The following CMPK2 variants were observed in gnomAD, a reference collection of about 807,000 sequenced individuals.
The protein encoded by CMPK2 is UMP-CMP kinase 2, mitochondrial.
In CMPK2, 32 loss-of-function variants were observed where a neutral mutation model predicts 33.4. The observed-to-expected ratio is 0.96, with a 90% CI of 0.72 to 1.29. The LOEUF (loss-of-function observed/expected upper bound fraction) is 1.29. Ranked by LOEUF, CMPK2 falls within the 50% of genes most tolerant of loss-of-function variation. The pLI, the probability that CMPK2 is intolerant of heterozygous loss-of-function variation, is 0.00. For missense variants in CMPK2, 672 were observed against 616.0 expected, an observed-to-expected ratio of 1.09 and a Z score of -0.96; for synonymous variants, 299 against 275.3, an observed-to-expected ratio of 1.09 and a Z score of -0.85.
chr2:6,856,751 T>C (rs1662715056), intron 3 of CMPK2, among the ~76,000 whole-genome samples: 1 of 152,228 alleles, frequency 6.6e-6, no homozygotes, highest in South Asian at 2.1e-4. Context: ...TAACTGCATG[T>C]ATTCTACTGA....
intron 3 of CMPK2, among the ~76,000 whole-genome samples, chr2:6,855,326 C>T (rs561233166): frequency 3.7e-5 from 5 of 135,358 alleles, no homozygotes; most frequent in Admixed American, 1.8e-4. Flanking sequence ...TGCCTCTGCC[C>T]CTGCCCCTGC....
rs1003164025 is a variant in CMPK2 at position 6,849,683 on chromosome 2, A to T, written c.*167T>A. 2.7e-6 allele frequency: 4 copies of T among 1,472,496 alleles called. No homozygotes were observed. In the East Asian group the frequency reaches 7.4e-5, roughly 27 times the overall value. The allele number at this position is 1,472,496 out of a possible 1,614,324, so 91.2% of individuals were successfully genotyped here. On this transcript the variant is annotated 3_prime_UTR_variant, in exon 5 of 5. Coordinates refer to ENST00000256722, the MANE Select transcript of CMPK2 (RefSeq NM_207315.4). ...CTTTGTGATGACGGGTCCATCAGTCAGAAGAGGGTACGATGGCTGAAGTAA... is the reference window on the plus strand; with the variant it reads ...CTTTGTGATGACGGGTCCATCAGTCTGAAGAGGGTACGATGGCTGAAGTAA...
At chr2:6,847,089 A>G (rs1316161940), downstream of CMPK2, among the ~76,000 whole-genome samples, 4 of 152,136 alleles carry the variant, frequency 2.6e-5, no homozygotes, top group African/African-American at 9.7e-5. Flanking sequence ...CTATGAGGCC[A>G]GTTGTGGGGG....
chr2:6,863,083 C>A (rs1279045204), intron 2 of CMPK2, among the ~76,000 whole-genome samples: 1 of 152,212 alleles, frequency 6.6e-6, no homozygotes, highest in Admixed American at 6.5e-5. Flanking sequence ...CAAGCCCCTG[C>A]ACCTTTGCCC....
rs1662458180 is a variant in CMPK2 at position 6,849,768 on chromosome 2, G to T, written c.*82C>A. The T allele has an allele frequency of 3.2e-6, 5 of 1,578,252 alleles. No individual in the cohort carries two copies. The East Asian group carries it at 1.1e-4, about 36-fold the overall frequency. Reference sequence around the variant, plus strand: ...CAACATGCTTGTAGAACAGAAATTTGGGAACACTGCATAACAAATGGTGGA... The same window carrying T: ...CAACATGCTTGTAGAACAGAAATTTTGGAACACTGCATAACAAATGGTGGA... On this transcript the variant is annotated 3_prime_UTR_variant, in exon 5 of 5. Coordinates refer to ENST00000256722, the MANE Select transcript of CMPK2 (RefSeq NM_207315.4).
chr2:6,845,220 GT>G (rs1662329234), downstream of CMPK2, among the ~76,000 whole-genome samples: 1 of 152,140 alleles, frequency 6.6e-6, no homozygotes, highest in African/African-American at 2.4e-5. Flanking sequence ...AGAAAGCCAG[GT>G]TTTTTCATCT....
intron 3 of CMPK2, among the ~76,000 whole-genome samples, chr2:6,856,143 C>T (rs1382498867): frequency 2.0e-5 from 3 of 152,192 alleles, no homozygotes; most frequent in Non-Finnish European, 4.4e-5. Context: ...AAACCCCATG[C>T]CCCTGCAGTT....
Position 6,865,017 on chromosome 2 carries a change from C to CTT in CMPK2, c.675+3_675+4dup. ...CTGGGAGCTGGAAGCGGACAGAACT[C>CTT]TTACCTCCTCCAAAACGGCCCGGGC... On this transcript the variant is annotated splice_donor_region_variant and intron_variant, in intron 1 of 4. Coordinates refer to ENST00000256722, the MANE Select transcript of CMPK2 (RefSeq NM_207315.4). The CTT allele has an allele frequency of 7.0e-7, 1 of 1,420,126 alleles. No individual in the cohort carries two copies. Among genetic ancestry groups the CTT allele is most frequent in the Non-Finnish European group, 9.2e-7 (1 of 1,084,704 alleles). 88.0% of individuals were successfully genotyped at this position (1,420,126 alleles called of 1,614,324 possible). A position where few individuals can be genotyped will look rare whatever the true frequency, so the allele number is the denominator to read the frequency against.
chr2:6,844,269 C>A (rs947824700), downstream of CMPK2, among the ~76,000 whole-genome samples: 26 of 152,284 alleles, frequency 1.7e-4, no homozygotes, highest in African/African-American at 6.3e-4. Context: ...TTGTAAAAGA[C>A]CAAAGTAGCC....
chr2:6,848,443 G>A lies in CMPK2; in HGVS notation c.*1407C>T. On this transcript the variant is annotated 3_prime_UTR_variant, in exon 5 of 5. Transcript: ENST00000256722. ...TAAAGTAAATAAAACCAATAATACA[G>A]CTAGATACCACATTGCAAAGAACCC... 1.0e-6 allele frequency: 1 copy of A among 981,368 alleles called. No homozygotes were observed. The highest frequency in any genetic ancestry group is 1.2e-6 in the Non-Finnish European group (1 of 826,286). 60.8% of individuals were successfully genotyped at this position (981,368 alleles called of 1,614,324 possible).
chr2:6,843,331 TG>T (rs975481994), downstream of CMPK2, among the ~76,000 whole-genome samples: 1 of 152,194 alleles, frequency 6.6e-6, no homozygotes, highest in African/African-American at 2.4e-5. Context: ...GCTTCATTAA[TG>T]AGATGGAGGT....
At chr2:6,850,806 T>G in intron 4 of CMPK2, 1 of 985,946 alleles carries the variant, frequency 1.0e-6, no homozygotes, top group Non-Finnish European at 1.2e-6. Flanking sequence ...TCTGCTTCAG[T>G]TTTTAAAGGC....
In CMPK2 at chr2:6,849,683, A is replaced by G. The variant is rs1003164025; in HGVS notation, c.*167T>C. 4.8e-6 allele frequency: 7 copies of G among 1,472,378 alleles called. No homozygotes were observed. In the South Asian group the frequency reaches 1.0e-4, roughly 22 times the overall value. 91.2% of individuals were successfully genotyped at this position (1,472,378 alleles called of 1,614,324 possible). A position where few individuals can be genotyped will look rare whatever the true frequency, so the allele number is the denominator to read the frequency against. The stretch of plus-strand genomic sequence containing the variant: ...CTTTGTGATGACGGGTCCATCAGTC[A>G]GAAGAGGGTACGATGGCTGAAGTAA... On this transcript the variant is annotated 3_prime_UTR_variant, in exon 5 of 5. Coordinates refer to ENST00000256722, the MANE Select transcript of CMPK2 (RefSeq NM_207315.4).
At chr2:6,848,309 G>C, downstream of CMPK2, 1 of 965,360 alleles carries the variant, frequency 1.0e-6, no homozygotes, top group Non-Finnish European at 1.2e-6. Flanking sequence ...TACCCAGGAT[G>C]ACAGCATAGA....
At chr2:6,850,914 C>T (rs757874424) in intron 4 of CMPK2, 1 of 991,790 alleles carries the variant, frequency 1.0e-6, no homozygotes, top group Non-Finnish European at 1.2e-6. Flanking sequence ...AAAACAAAAA[C>T]ACTGGCTGCA....
At chr2:6,851,712 T>C in intron 3 of CMPK2, 29 bp from the exon 4 acceptor site, 1 of 1,596,936 alleles carries the variant, frequency 6.3e-7, no homozygotes, top group Non-Finnish European at 8.6e-7. Flanking sequence ...GTGAGTTCTC[T>C]GTCTGCAGAA....
chr2:6,845,712 G>T (rs985051606), downstream of CMPK2, among the ~76,000 whole-genome samples: 4 of 152,184 alleles, frequency 2.6e-5, no homozygotes, highest in Non-Finnish European at 4.4e-5. Flanking sequence ...TTTAATGCAG[G>T]GAATGTCCTA....
chr2:6,861,485 G>T, intron 2 of CMPK2, 100 bp from the exon 3 acceptor site: 1 of 813,702 alleles, frequency 1.2e-6, no homozygotes, highest in Non-Finnish European at 2.0e-6. Context: ...CAAATGAAAT[G>T]AGTAGACTAA....
In CMPK2 at chr2:6,850,342, A is replaced by G. The variant is rs116568268; in HGVS notation, c.1227-369T>C. Among the ~76,000 whole-genome samples, 1,499 of 152,298 alleles carry G rather than the reference A, an allele frequency of 9.8e-3. 27 individuals are homozygous for G. The highest frequency in any genetic ancestry group is 0.035 in the African/African-American group (1,451 of 41,550). On this transcript the variant is annotated intron_variant, in intron 4 of 4. Transcript: ENST00000256722. ...ATTTGTTCAGTGGCAAATTTCCCCCAAGTCTGTGCCCTGAATAATTTTCAT... is the reference window on the plus strand; with the variant it reads ...ATTTGTTCAGTGGCAAATTTCCCCCGAGTCTGTGCCCTGAATAATTTTCAT...
Sources: allele counts gnomAD v4.1 joint callset (sites outside exome capture counted in the v4.1 genomes callset), GRCh38; gene constraint gnomAD v4.1.1; transcripts MANE v1.5; gene names NCBI Gene and HGNC (gene_info 2026-07-23, HGNC 2026-07-21).